The following GTF3C1 variants were observed in gnomAD, a reference collection of about 807,000 sequenced individuals.
The protein encoded by GTF3C1 is general transcription factor IIIC subunit 1.
In GTF3C1, 57 loss-of-function variants were observed where a neutral mutation model predicts 226.7. That is an observed-to-expected ratio of 0.25 (90% CI 0.20 to 0.31). The LOEUF (loss-of-function observed/expected upper bound fraction) is 0.31. GTF3C1 is among the 10% of genes least tolerant of loss of function. The probability of loss-of-function intolerance (pLI) is 1.00; values close to 1 mark genes in which losing one functional copy is unlikely to be tolerated. For missense variants in GTF3C1, 2,217 were observed against 2,776.1 expected (o/e 0.80, Z 4.53); for synonymous variants, 1,090 against 1,084.8 (o/e 1.00, Z -0.09).
Position 27,492,662 on chromosome 16 carries a change from C to T in GTF3C1, c.2928G>A (p.Gly976=), listed in dbSNP as rs748796038. The T allele has an allele frequency of 1.2e-6, 2 of 1,606,316 alleles. No individual in the cohort carries two copies. The highest frequency in any genetic ancestry group is 1.1e-5 in the South Asian group (1 of 90,888). ...TTTCCGTGGGACCAAACTGTAGCAGCCCCATGTAGCACAGCCTCTGAAGGT... is the reference window on the plus strand; with the variant it reads ...TTTCCGTGGGACCAAACTGTAGCAGTCCCATGTAGCACAGCCTCTGAAGGT... The part of the protein sequence containing the change: ...VENLQRLCYM[G]LLQFGPTEKF... Residue 976 remains glycine, a synonymous_variant, in exon 18 of 37, where the codon GGG becomes GGA. Coordinates refer to ENST00000356183, the MANE Select transcript of GTF3C1 (RefSeq NM_001520.4). This position sits in a 1 kb window ranked among gnomAD's most constrained non-coding sequence, Gnocchi z 5.0.
chr16:27,465,234 T>A, intron 33 of GTF3C1, 26 bp downstream of exon 33: 1 of 1,608,924 alleles, frequency 6.2e-7, no homozygotes, highest in Non-Finnish European at 8.5e-7. Context: ...TTCGGTGATA[T>A]CCGGCTAACC....
At chr16:27,526,295 G>T (rs1159730643) in intron 6 of GTF3C1, among the ~76,000 whole-genome samples, 1 of 152,204 alleles carries the variant, frequency 6.6e-6, no homozygotes, top group East Asian at 1.9e-4. Context: ...ACTAAAACAA[G>T]AGACGGCCAA....
chr16:27,519,764 A>T (rs548805489), intron 6 of GTF3C1, among the ~76,000 whole-genome samples: 3 of 152,330 alleles, frequency 2.0e-5, no homozygotes, highest in Admixed American at 1.3e-4. Context: ...AAAGAGAGAG[A>T]AAGAAAGAAA....
At chr16:27,499,771 C>T (rs1053722767) in intron 12 of GTF3C1, among the ~76,000 whole-genome samples, 4 of 152,188 alleles carry the variant, frequency 2.6e-5, no homozygotes, top group African/African-American at 4.8e-5. Flanking sequence ...CCCCACTTTC[C>T]GGGCAAGACA....
chr16:27,519,028 T>G (rs2088705314), intron 6 of GTF3C1, among the ~76,000 whole-genome samples: 1 of 152,090 alleles, frequency 6.6e-6, no homozygotes, highest in South Asian at 2.1e-4. Flanking sequence ...TATAACACCC[T>G]CAGGACCCCG....
At chr16:27,506,555 T>A (rs2088487940) in intron 9 of GTF3C1, among the ~76,000 whole-genome samples, 1 of 152,166 alleles carries the variant, frequency 6.6e-6, no homozygotes, top group South Asian at 2.1e-4. Flanking sequence ...TGGAGGAGTC[T>A]TAGACTGTTG....
chr16:27,502,824 C>T, intron 11 of GTF3C1, 35 bp downstream of exon 11: 1 of 1,549,762 alleles, frequency 6.5e-7, no homozygotes, highest in Non-Finnish European at 8.7e-7. Flanking sequence ...ACTGTTAGTG[C>T]CAGCAGACAG....
At position 27,532,286 on chromosome 16, in the gene GTF3C1, C is replaced by A. The variant is rs532739271; in HGVS notation, c.849+1005G>T. Among the ~76,000 whole-genome samples the A allele has an allele frequency of 2.6e-5, 4 of 152,284 alleles. No homozygotes were observed. The East Asian group carries it at 7.7e-4, about 29-fold the overall frequency. ...AGCAATGTGGAAGACACCTCCTCCC[C>A]CTGTGAACAATGAAATCAGAGAACT... On this transcript the variant is annotated intron_variant, in intron 5 of 36. Transcript: ENST00000356183.
At chr16:27,536,141 T>A (rs2088997979) in intron 4 of GTF3C1, among the ~76,000 whole-genome samples, 1 of 152,254 alleles carries the variant, frequency 6.6e-6, no homozygotes, top group Non-Finnish European at 1.5e-5. Flanking sequence ...GTAAACGTAT[T>A]TTCTTAATAA....
At chr16:27,489,802 A>G in intron 19 of GTF3C1, 59 bp from the exon 20 acceptor site, 1 of 1,557,762 alleles carries the variant, frequency 6.4e-7, no homozygotes. Flanking sequence ...TCTGGTGGCT[A>G]CTACCTCTGG....
rs751559578 is a variant in GTF3C1 at position 27,511,853 on chromosome 16, C to T, written c.1022G>A (p.Arg341Gln). Residue 341 changes from arginine (R) to glutamine (Q), a missense_variant, in exon 7 of 37, where the codon CGG (arginine) becomes CAG (glutamine). Physicochemically the swap from Arg to Gln is conservative, Grantham distance 43 (BLOSUM62 1). This residue lies in a region of GTF3C1 where 163 missense variants were observed against 234.3 expected (regional missense o/e 0.70). Coordinates refer to ENST00000356183, the MANE Select transcript of GTF3C1 (RefSeq NM_001520.4). ...RCLKLLKEFK[R>Q]NDHDDDEDEE... ...GTCCTCGTCATCATCATGGTCATTC[C>T]GTTTAAATTCCTTCAGCAGCTTGAG... 5.6e-6 allele frequency: 9 copies of T among 1,614,010 alleles called. 1 individual carries two copies. Among genetic ancestry groups the T allele is most frequent in the South Asian group, 4.4e-5 (4 of 91,078 alleles).
At chr16:27,499,155 C>T (rs2088366717) in intron 12 of GTF3C1, among the ~76,000 whole-genome samples, 2 of 152,258 alleles carry the variant, frequency 1.3e-5, no homozygotes, top group Admixed American at 6.5e-5. Context: ...AAGCAGCTTT[C>T]ATTAATCTAC....
At chr16:27,544,183 G>GC (rs2089130975) in intron 2 of GTF3C1, among the ~76,000 whole-genome samples, 1 of 152,046 alleles carries the variant, frequency 6.6e-6, no homozygotes, top group Non-Finnish European at 1.5e-5. Context: ...GAGCCCAGAA[G>GC]TTTGAGACCA....
chr16:27,465,167 T>G, intron 33 of GTF3C1, 93 bp downstream of exon 33: 2 of 1,144,200 alleles, frequency 1.7e-6, no homozygotes, highest in Non-Finnish European at 2.6e-6. Context: ...CAGCATGCTA[T>G]GCCCCAAATC....
intron 14 of GTF3C1, among the ~76,000 whole-genome samples, chr16:27,495,925 G>A (rs547390164): frequency 1.3e-5 from 2 of 152,236 alleles, no homozygotes; most frequent in Non-Finnish European, 2.9e-5. Flanking sequence ...CCTGCGGCAG[G>A]AGGGCAATCG....
rs2088550271 is a variant in GTF3C1 at position 27,510,069 on chromosome 16, T to G, written c.1127-1414A>C. Among the ~76,000 whole-genome samples, 7 of 152,078 alleles carry G rather than the reference T, an allele frequency of 4.6e-5. No homozygotes were observed. In the South Asian group the frequency reaches 1.4e-3, roughly 31 times the overall value. ...TTCGAGACCCACCTGACCAGCATGATGAAACCTTGTCTCTACTAAAGAAAT... is the reference window on the plus strand; with the variant it reads ...TTCGAGACCCACCTGACCAGCATGAGGAAACCTTGTCTCTACTAAAGAAAT... On this transcript the variant is annotated intron_variant, in intron 7 of 36. Transcript: ENST00000356183.
At chr16:27,497,894 C>A in intron 13 of GTF3C1, 73 bp from the exon 14 acceptor site, 1 of 1,265,404 alleles carries the variant, frequency 7.9e-7, no homozygotes, top group South Asian at 1.4e-5. Context: ...AGTCTGTCTG[C>A]ATGAATCAGA....
chr16:27,501,432 TA>T lies in GTF3C1; in HGVS notation c.1908-89del. On this transcript the variant is annotated intron_variant, in intron 11 of 36. Transcript: ENST00000356183. Reference sequence around the variant, plus strand: ...CAGGCAACACAGACATGCCTCACGGTACCCAATAGAAACAAGGAAGGATCAA... The same window carrying T: ...CAGGCAACACAGACATGCCTCACGGTCCCAATAGAAACAAGGAAGGATCAA... 4 of 1,173,028 alleles carry T rather than the reference TA, an allele frequency of 3.4e-6. No homozygotes were observed. The South Asian group carries it at 5.2e-5, about 15-fold the overall frequency. 72.7% of individuals were successfully genotyped at this position (1,173,028 alleles called of 1,614,324 possible).
In GTF3C1 at chr16:27,471,712, A is replaced by G. The variant is rs2087873385; in HGVS notation, c.4526+36T>C. ...CTCTTTACAGACAGGGCGTGGCTCC[A>G]CCTCGGAGTACCCAAGGCTCCTGAC... On this transcript the variant is annotated intron_variant, in intron 30 of 36. Transcript: ENST00000356183. This position sits in a 1 kb window ranked among gnomAD's most constrained non-coding sequence, Gnocchi z 5.0. 1 of 1,545,098 alleles carries G rather than the reference A, an allele frequency of 6.5e-7. No individual in the cohort carries two copies. Among genetic ancestry groups the G allele is most frequent in the Non-Finnish European group, 8.9e-7 (1 of 1,118,324 alleles).
Sources: allele counts gnomAD v4.1 joint callset (sites outside exome capture counted in the v4.1 genomes callset), GRCh38; gene constraint gnomAD v4.1.1; regional missense constraint gnomAD v4.1.1; non-coding constraint Gnocchi (gnomAD v3.1); transcripts MANE v1.5; gene names NCBI Gene and HGNC (gene_info 2026-07-23, HGNC 2026-07-21).